The following SMARCC1 variants were observed in gnomAD, a reference collection of about 807,000 sequenced individuals.
SMARCC1 encodes SWI/SNF complex subunit SMARCC1.
SMARCC1 carries 43 observed loss-of-function variants against 147.4 expected under a neutral mutation model. That is an observed-to-expected ratio of 0.29 (90% confidence interval 0.23 to 0.38). The LOEUF is 0.38. Among genes scored for constraint, SMARCC1 ranks in the 10% least tolerant of loss-of-function variants. SMARCC1 has a pLI of 1.00. For synonymous variants in SMARCC1, 495 were observed against 484.4 expected (o/e 1.02, Z -0.29); for missense variants, 1,119 against 1,381.1 (o/e 0.81, Z 3.01).
chr3:47,662,812 CG>C (rs1199528028), intron 19 of SMARCC1, among the ~76,000 whole-genome samples: 3 of 151,680 alleles, frequency 2.0e-5, no homozygotes, highest in Non-Finnish European at 4.4e-5. Context: ...GTGGCTCACG[CG>C]TATAATCTCA....
intron 26 of SMARCC1, among the ~76,000 whole-genome samples, chr3:47,594,976 C>T (rs2032247622): frequency 6.6e-6 from 1 of 152,214 alleles, no homozygotes; most frequent in Admixed American, 6.5e-5. Context: ...CATCTCTGAC[C>T]TGTTGTTGCA....
intron 25 of SMARCC1, among the ~76,000 whole-genome samples, chr3:47,618,037 G>A (rs904974435): frequency 6.6e-6 from 1 of 152,082 alleles, no homozygotes; most frequent in Admixed American, 6.6e-5. Context: ...GGTAGGGACT[G>A]TCTCATACAA....
intron 1 of SMARCC1, among the ~76,000 whole-genome samples, chr3:47,781,363 G>A (rs903427400): frequency 2.5e-4 from 38 of 152,248 alleles, no homozygotes; most frequent in Non-Finnish European, 2.2e-4. Flanking sequence ...TGGCACACGA[G>A]ACTGAGCAGG....
At chr3:47,599,445 T>C (rs2032351319) in intron 26 of SMARCC1, among the ~76,000 whole-genome samples, 1 of 152,252 alleles carries the variant, frequency 6.6e-6, no homozygotes, top group South Asian at 2.1e-4. Flanking sequence ...CCTTAGGCAC[T>C]ATATTTAAGA....
At chr3:47,763,310 C>A (rs115292751) in intron 2 of SMARCC1, among the ~76,000 whole-genome samples, 6,738 of 151,184 alleles carry the variant, frequency 0.045, 506 homozygotes, top group African/African-American at 0.15. Flanking sequence ...CCACACCCAG[C>A]CCTTTTGGGT....
At chr3:47,601,977 G>A (rs1010771014) in intron 26 of SMARCC1, among the ~76,000 whole-genome samples, 1 of 152,120 alleles carries the variant, frequency 6.6e-6, no homozygotes, top group African/African-American at 2.4e-5. Context: ...TAGGATTACA[G>A]GCATGAGCCA....
intron 5 of SMARCC1, among the ~76,000 whole-genome samples, chr3:47,733,258 T>TA (rs34158412): frequency 6.6e-6 from 1 of 151,810 alleles, no homozygotes; most frequent in Admixed American, 6.6e-5. Context: ...ACCTTCCATT[T>TA]AAAAAAAGGA....
intron 15 of SMARCC1, among the ~76,000 whole-genome samples, chr3:47,679,587 C>T (rs2033616123): frequency 6.6e-6 from 1 of 152,166 alleles, no homozygotes; most frequent in Non-Finnish European, 1.5e-5. Context: ...ACAGGCCGGG[C>T]TTGGTGGCTC....
At chr3:47,704,061 G>A (rs1416276643) in intron 10 of SMARCC1, among the ~76,000 whole-genome samples, 1 of 152,128 alleles carries the variant, frequency 6.6e-6, no homozygotes, top group Non-Finnish European at 1.5e-5. Flanking sequence ...GCCTCCCAAA[G>A]TGCTGGGATT....
intron 21 of SMARCC1, among the ~76,000 whole-genome samples, chr3:47,643,169 A>G (rs140201611): frequency 2.0e-5 from 3 of 152,274 alleles, no homozygotes; most frequent in East Asian, 3.9e-4. Context: ...AATGTTCACT[A>G]CTCTTCCTTC....
At chr3:47,683,656 C>T (rs2106765840) in intron 14 of SMARCC1, among the ~76,000 whole-genome samples, 1 of 151,332 alleles carries the variant, frequency 6.6e-6, no homozygotes, top group East Asian at 2.0e-4. Flanking sequence ...AGTTCGAGAC[C>T]AGCCTGGTGG....
intron 26 of SMARCC1, among the ~76,000 whole-genome samples, chr3:47,601,155 T>C (rs1389696192): frequency 1.3e-5 from 2 of 151,096 alleles, no homozygotes; most frequent in African/African-American, 4.9e-5. Flanking sequence ...ACAGCAGGCA[T>C]CTGAAGCCTG....
intron 18 of SMARCC1, among the ~76,000 whole-genome samples, chr3:47,673,867 G>A (rs530172294): frequency 1.3e-5 from 2 of 152,274 alleles, no homozygotes; most frequent in East Asian, 1.9e-4. Flanking sequence ...GTATATACTA[G>A]TCTGACTTCT....
intron 1 of SMARCC1, among the ~76,000 whole-genome samples, chr3:47,777,578 A>C (rs1473950273): frequency 6.6e-6 from 1 of 151,946 alleles, no homozygotes; most frequent in African/African-American, 2.4e-5. Context: ...CCTAGGCTGG[A>C]GTGCAATGGC....
chr3:47,756,569 A>G (rs907796345), intron 2 of SMARCC1, among the ~76,000 whole-genome samples: 1 of 150,582 alleles, frequency 6.6e-6, no homozygotes, highest in Admixed American at 6.6e-5. Flanking sequence ...AAAGATTTCT[A>G]TAAGAACACA....
intron 16 of SMARCC1, among the ~76,000 whole-genome samples, chr3:47,677,554 TTG>T (rs1350673061): frequency 6.6e-6 from 1 of 150,452 alleles, no homozygotes; most frequent in Admixed American, 6.6e-5. Context: ...ATATTTTATT[TTG>T]TGTTTTTTTT....
rs571972074 is a variant in SMARCC1 at position 47,636,610 on chromosome 3, G to A, written c.2377-474C>T. Among the ~76,000 whole-genome samples, 98 of 152,102 alleles carry A rather than the reference G, an allele frequency of 6.4e-4. 2 individuals are homozygous for A. The South Asian group carries it at 0.016, about 25-fold the overall frequency. ...TAAAAATACAAAAAAGAAATTAGCCGGGCATGGTGATGGGAACCTATAATC... is the reference window on the plus strand; with the variant it reads ...TAAAAATACAAAAAAGAAATTAGCCAGGCATGGTGATGGGAACCTATAATC... On this transcript the variant is annotated intron_variant, in intron 22 of 27. Coordinates refer to ENST00000254480, the MANE Select transcript of SMARCC1 (RefSeq NM_003074.4).
At chr3:47,691,827 C>T (rs1273917660) in intron 12 of SMARCC1, among the ~76,000 whole-genome samples, 1 of 151,870 alleles carries the variant, frequency 6.6e-6, no homozygotes, top group Non-Finnish European at 1.5e-5. Context: ...CGGTAAAACC[C>T]CATGTCTACT....
intron 3 of SMARCC1, among the ~76,000 whole-genome samples, chr3:47,741,690 C>T (rs1009009025): frequency 3.9e-5 from 6 of 151,972 alleles, no homozygotes; most frequent in African/African-American, 1.4e-4. Flanking sequence ...CCTCATTCTT[C>T]ATACTTGTAT....
Sources: allele counts gnomAD v4.1 joint callset (sites outside exome capture counted in the v4.1 genomes callset), GRCh38; gene constraint gnomAD v4.1.1; transcripts MANE v1.5; gene names NCBI Gene and HGNC (gene_info 2026-07-23, HGNC 2026-07-21).